The following PIBF1 variants were observed in gnomAD, a reference collection of about 807,000 sequenced individuals.
PIBF1 encodes the protein progesterone-induced-blocking factor 1.
PIBF1 carries 90 observed loss-of-function variants against 112.5 expected under a neutral mutation model. The ratio of observed to expected loss-of-function variants is 0.80; its 90% confidence interval spans 0.67 to 0.95. PIBF1 has a LOEUF of 0.95. PIBF1 is among the 40% of genes least tolerant of loss of function. The pLI, the probability that PIBF1 is intolerant of heterozygous loss-of-function variation, is 0.00. For missense variants in PIBF1, 915 were observed against 852.3 expected (o/e 1.07, Z -0.92); for synonymous variants, 301 against 288.6 (o/e 1.04, Z -0.44).
At chr13:72,881,313 G>A (rs940119956) in intron 10 of PIBF1, 1 of 152,110 alleles carries the variant, frequency 6.6e-6, no homozygotes, top group East Asian at 1.9e-4. Context: ...CAAAATCAGT[G>A]TACCAAAATC....
At chr13:72,944,903 A>G (rs1252014264) in intron 14 of PIBF1, among the ~76,000 whole-genome samples, 1 of 152,118 alleles carries the variant, frequency 6.6e-6, no homozygotes, top group Non-Finnish European at 1.5e-5. Context: ...AGTAGCTGGA[A>G]TTACAGGCTC....
intron 10 of PIBF1, among the ~76,000 whole-genome samples, chr13:72,854,777 A>G (rs1452506518): frequency 2.6e-5 from 4 of 151,358 alleles, no homozygotes; most frequent in Admixed American, 6.6e-5. Context: ...AAACCTGCCA[A>G]TGGTAACACC....
intron 15 of PIBF1, among the ~76,000 whole-genome samples, chr13:72,969,240 G>A (rs1031834786): frequency 2.6e-5 from 4 of 152,022 alleles, no homozygotes; most frequent in African/African-American, 7.2e-5. Context: ...TATTAAAAAT[G>A]AGAAATAACA....
intron 15 of PIBF1, among the ~76,000 whole-genome samples, chr13:72,966,743 G>A (rs529949829): frequency 6.6e-6 from 1 of 151,818 alleles, no homozygotes; most frequent in South Asian, 2.1e-4. Flanking sequence ...ACCCTGTCTC[G>A]ACTACAAATA....
At chr13:72,887,039 CTTT>C (rs747807659) in intron 10 of PIBF1, among the ~76,000 whole-genome samples, 3 of 130,746 alleles carry the variant, frequency 2.3e-5, no homozygotes, top group Admixed American at 7.6e-5. Context: ...TATAGTTTTT[CTTT>C]TTTTTTTTTT....
chr13:72,901,924 C>G (rs1404735457), intron 11 of PIBF1, among the ~76,000 whole-genome samples: 2 of 151,528 alleles, frequency 1.3e-5, no homozygotes, highest in African/African-American at 4.8e-5. Flanking sequence ...TTTATAGCAG[C>G]ACAATTCACA....
intron 13 of PIBF1, among the ~76,000 whole-genome samples, chr13:72,929,423 G>A (rs2041634967): frequency 6.6e-6 from 1 of 152,242 alleles, no homozygotes. Flanking sequence ...AATTTATAAA[G>A]AGAGAAAGAT....
chr13:73,002,913 G>A (rs534428289), intron 17 of PIBF1, among the ~76,000 whole-genome samples: 2 of 149,012 alleles, frequency 1.3e-5, no homozygotes, highest in Non-Finnish European at 1.5e-5. Context: ...GGACCTGGGA[G>A]GTGGAGGTTG....
intron 13 of PIBF1, among the ~76,000 whole-genome samples, chr13:72,928,046 C>CATATAT (rs2041585926): frequency 1.8e-5 from 2 of 109,942 alleles, no homozygotes; most frequent in African/African-American, 3.5e-5. Flanking sequence ...TATATATATA[C>CATATAT]ATATATATAT....
chr13:72,873,880 T>C (rs947906206), intron 10 of PIBF1, among the ~76,000 whole-genome samples: 1 of 152,194 alleles, frequency 6.6e-6, no homozygotes, highest in Non-Finnish European at 1.5e-5. Flanking sequence ...TCCAGAACTC[T>C]TGCAACTTAA....
chr13:72,791,340 C>T (rs2034920157), intron 2 of PIBF1, among the ~76,000 whole-genome samples: 1 of 152,122 alleles, frequency 6.6e-6, no homozygotes, highest in Non-Finnish European at 1.5e-5. Flanking sequence ...AGGTGTGAAT[C>T]ACCACGCCCT....
intron 12 of PIBF1, 122 bp downstream of exon 12, chr13:72,908,803 C>G: frequency 1.3e-6 from 1 of 794,786 alleles, no homozygotes; most frequent in South Asian, 2.1e-5. Flanking sequence ...AATCTTAGCA[C>G]TTTGGGCGGC....
chr13:72,807,962 A>G (rs1047841613), intron 5 of PIBF1, among the ~76,000 whole-genome samples: 1 of 152,160 alleles, frequency 6.6e-6, no homozygotes, highest in African/African-American at 2.4e-5. Context: ...AGTCACATTT[A>G]ATTTTATGGG....
intron 14 of PIBF1, among the ~76,000 whole-genome samples, chr13:72,955,745 T>C (rs1228834282): frequency 2.6e-5 from 4 of 152,114 alleles, no homozygotes; most frequent in African/African-American, 9.7e-5. Flanking sequence ...CTAACCCTAA[T>C]CTCCTTTCCT....
At chr13:72,797,490 A>G (rs2035251826) in intron 4 of PIBF1, among the ~76,000 whole-genome samples, 1 of 152,194 alleles carries the variant, frequency 6.6e-6, no homozygotes, top group African/African-American at 2.4e-5. Flanking sequence ...TAACAAGGTA[A>G]TATTTGGTCA....
chr13:72,821,868 A>G lies in PIBF1; in HGVS notation c.692A>G (p.Lys231Arg), dbSNP rs774383398. The change falls in exon 6 of 18, where the codon AAA (lysine) becomes AGA (arginine). Residue 231 changes from lysine to arginine, a missense_variant. Coordinates refer to ENST00000326291, the MANE Select transcript of PIBF1 (RefSeq NM_006346.4). ...QLTETYEEDR[K>R]NYSEVQIRCQ... is the part of the protein sequence containing the mutation. Reference sequence around the variant, plus strand: ...TTATAGACATATGAGGAAGATCGAAAAAACTACTCTGAAGTTCAAATTAGA... The same window carrying G: ...TTATAGACATATGAGGAAGATCGAAGAAACTACTCTGAAGTTCAAATTAGA... 5 of 1,612,288 alleles carry G rather than the reference A, an allele frequency of 3.1e-6. No homozygotes were observed. In the South Asian group the frequency reaches 5.5e-5, roughly 18 times the overall value.
At chr13:72,897,848 A>G (rs2138594803) in intron 11 of PIBF1, among the ~76,000 whole-genome samples, 1 of 152,338 alleles carries the variant, frequency 6.6e-6, no homozygotes, top group South Asian at 2.1e-4. Flanking sequence ...CAACACAGTA[A>G]TAGTGGGGGA....
intron 13 of PIBF1, among the ~76,000 whole-genome samples, chr13:72,924,619 A>T (rs1471140470): frequency 6.6e-6 from 1 of 152,100 alleles, no homozygotes; most frequent in East Asian, 1.9e-4. Flanking sequence ...ATGTGGGAGG[A>T]TGAGCTGGGT....
intron 9 of PIBF1, among the ~76,000 whole-genome samples, chr13:72,842,353 A>G (rs890087797): frequency 2.6e-5 from 4 of 152,212 alleles, no homozygotes; most frequent in Non-Finnish European, 4.4e-5. Context: ...AAATAGCTTT[A>G]CAATTGTTTG....
Sources: gnomAD v4.1 joint callset for allele counts (sites outside exome capture counted in the v4.1 genomes callset) on GRCh38, gnomAD v4.1.1 for gene constraint, MANE v1.5 for transcripts, NCBI Gene and HGNC (gene_info 2026-07-23, HGNC 2026-07-21) for gene names.